Variants in KCNAB1 observed in about 807,000 individuals in gnomAD.
The protein encoded by KCNAB1 is voltage-gated potassium channel subunit beta-1.
In KCNAB1, 35 loss-of-function variants were observed where a neutral mutation model predicts 64.6. The observed-to-expected ratio is 0.54, with a 90% CI of 0.41 to 0.72. KCNAB1 has a LOEUF of 0.72. Ranked by LOEUF, KCNAB1 falls within the 30% of genes least tolerant of loss-of-function variation. The pLI, the probability that KCNAB1 is intolerant of heterozygous loss-of-function variation, is 0.00. For missense variants in KCNAB1, 401 were observed against 512.9 expected, an observed-to-expected ratio of 0.78 and a Z score of 2.11; for synonymous variants, 177 against 183.8, an observed-to-expected ratio of 0.96 and a Z score of 0.30.
At position 156,330,419 on chromosome 3, in the gene KCNAB1, G is replaced by T. The variant is rs377138637; in HGVS notation, c.276-91197G>T. On this transcript the variant is annotated intron_variant, in intron 1 of 13. Coordinates refer to ENST00000490337, the MANE Select transcript of KCNAB1 (RefSeq NM_172160.3). Reference sequence around the variant, plus strand: ...AGCCCTGACAGTTTCCACAATCCAGGTATCTACACTGTTGGAAGATGACCA... The same window carrying T: ...AGCCCTGACAGTTTCCACAATCCAGTTATCTACACTGTTGGAAGATGACCA... Among the ~76,000 whole-genome samples the T allele has an allele frequency of 5.3e-5, 8 of 151,378 alleles. No homozygotes were observed. The East Asian group carries it at 1.2e-3, about 22-fold the overall frequency.
chr3:156,250,350 A>G (rs576495247), intron 1 of KCNAB1, among the ~76,000 whole-genome samples: 1 of 152,222 alleles, frequency 6.6e-6, no homozygotes, highest in Admixed American at 6.5e-5. Flanking sequence ...CTGTTTTACA[A>G]ATTTGCCCAA....
At chr3:156,330,107 A>C (rs1363587614) in intron 1 of KCNAB1, among the ~76,000 whole-genome samples, 4 of 152,168 alleles carry the variant, frequency 2.6e-5, no homozygotes, top group Non-Finnish European at 1.5e-5. Flanking sequence ...TCACAAACTT[A>C]AGTGTGTAAA....
chr3:156,279,429 G>A (rs981043326), intron 1 of KCNAB1, among the ~76,000 whole-genome samples: 9 of 152,202 alleles, frequency 5.9e-5, no homozygotes, highest in African/African-American at 1.2e-4. Context: ...ATAAACATAC[G>A]GGTGCATGTG....
At chr3:156,353,558 G>T (rs1224622310) in intron 1 of KCNAB1, among the ~76,000 whole-genome samples, 1 of 152,196 alleles carries the variant, frequency 6.6e-6, no homozygotes, top group African/African-American at 2.4e-5. Flanking sequence ...GGGTCCTCTG[G>T]CTCAGGGACC....
At chr3:156,218,786 CA>C (rs1228783831) in intron 1 of KCNAB1, among the ~76,000 whole-genome samples, 41 of 92,604 alleles carry the variant, frequency 4.4e-4, no homozygotes, top group Admixed American at 8.6e-4. Flanking sequence ...CCCAGAACAG[CA>C]AAAAAAAAAA....
At chr3:156,310,672 C>T (rs952715277) in intron 1 of KCNAB1, among the ~76,000 whole-genome samples, 6 of 152,128 alleles carry the variant, frequency 3.9e-5, no homozygotes, top group South Asian at 2.1e-4. Flanking sequence ...GGCGGGGTGG[C>T]GGGTGCCTGT....
At position 156,291,616 on chromosome 3, in the gene KCNAB1, A is replaced by G. The variant is rs564452320; in HGVS notation, c.276-130000A>G. 13 of 1,301,006 alleles carry G rather than the reference A, an allele frequency of 1.0e-5. 1 individual carries two copies. The South Asian group carries it at 2.0e-4, about 20-fold the overall frequency. The allele number at this position is 1,301,006 out of a possible 1,614,324, so 80.6% of individuals were successfully genotyped here. A position where few individuals can be genotyped will look rare whatever the true frequency, so the allele number is the denominator to read the frequency against. ...TTTGGCTGTTTAATCAGCCGAGATT[A>G]CAGCCCGGGAAGATTTGCAAACCTG... On this transcript the variant is annotated intron_variant, in intron 1 of 13. Coordinates refer to ENST00000490337, the MANE Select transcript of KCNAB1 (RefSeq NM_172160.3).
chr3:156,502,552 A>G (rs1016385588), intron 8 of KCNAB1, among the ~76,000 whole-genome samples: 6 of 150,142 alleles, frequency 4.0e-5, no homozygotes, highest in African/African-American at 1.5e-4. Flanking sequence ...ACACACACAC[A>G]CACACACACA....
chr3:156,378,815 G>A (rs1431344410), intron 1 of KCNAB1, among the ~76,000 whole-genome samples: 3 of 152,118 alleles, frequency 2.0e-5, no homozygotes, highest in African/African-American at 4.8e-5. Flanking sequence ...GCCCAGGAAC[G>A]AGGAGGGTCA....
At chr3:156,127,884 G>GGTGTGTGTGT (rs10576749) in intron 1 of KCNAB1, among the ~76,000 whole-genome samples, 35,077 of 147,378 alleles carry the variant, frequency 0.24, 4,675 homozygotes, top group Non-Finnish European at 0.32. Flanking sequence ...CTTCATTTGG[G>GGTGTGTGTGT]GTGTGTGTGT....
chr3:156,530,692 A>T (rs1346532236), intron 12 of KCNAB1, among the ~76,000 whole-genome samples: 2 of 152,178 alleles, frequency 1.3e-5, no homozygotes, highest in African/African-American at 4.8e-5. Flanking sequence ...AGGGTTCATA[A>T]GAGAGTAATT....
chr3:156,187,113 C>A (rs1170802334), intron 1 of KCNAB1, among the ~76,000 whole-genome samples: 1 of 152,328 alleles, frequency 6.6e-6, no homozygotes, highest in Non-Finnish European at 1.5e-5. Flanking sequence ...CTTGGCTTCC[C>A]AAAGTGTTGG....
At chr3:156,383,743 C>T (rs1395957245) in intron 1 of KCNAB1, among the ~76,000 whole-genome samples, 1 of 152,198 alleles carries the variant, frequency 6.6e-6, no homozygotes, top group Non-Finnish European at 1.5e-5. Context: ...TTACAGATTT[C>T]AATATGCTAG....
At chr3:156,460,632 T>C (rs1180298201) in intron 5 of KCNAB1, 1 of 152,272 alleles carries the variant, frequency 6.6e-6, no homozygotes, top group Non-Finnish European at 1.5e-5. Flanking sequence ...TCCTCTGCCC[T>C]GGCATAATAT....
chr3:156,319,763 T>A (rs1017241391), intron 1 of KCNAB1, among the ~76,000 whole-genome samples: 1 of 152,202 alleles, frequency 6.6e-6, no homozygotes, highest in Non-Finnish European at 1.5e-5. Context: ...CTTATCCACA[T>A]CTCCTATTGG....
intron 1 of KCNAB1, among the ~76,000 whole-genome samples, chr3:156,374,413 CA>C: frequency 7.3e-6 from 1 of 137,816 alleles, no homozygotes; most frequent in African/African-American, 3.2e-5. Flanking sequence ...AGTGTTGAGC[CA>C]TACCCTAGAG....
Position 156,314,525 on chromosome 3 carries a change from A to G in KCNAB1, c.276-107091A>G, listed in dbSNP as rs538646124. Among the ~76,000 whole-genome samples the G allele has an allele frequency of 3.9e-5, 6 of 152,338 alleles. 1 individual carries two copies. Among genetic ancestry groups the G allele is most frequent in the Admixed American group, 3.9e-4 (6 of 15,310 alleles). ...TCTGCATTACTGCCTCCATAAGCCT[A>G]CCCAGCTAGGAAGCAGTATGGGCAG... On this transcript the variant is annotated intron_variant, in intron 1 of 13. Transcript: ENST00000490337.
chr3:156,284,708 C>A (rs923131533), intron 1 of KCNAB1, among the ~76,000 whole-genome samples: 1 of 152,204 alleles, frequency 6.6e-6, no homozygotes, highest in Non-Finnish European at 1.5e-5. Flanking sequence ...GTGCAGTATT[C>A]GGGTGGGAGT....
At chr3:156,331,646 A>T (rs3772235) in intron 1 of KCNAB1, among the ~76,000 whole-genome samples, 34,119 of 151,454 alleles carry the variant, frequency 0.23, 3,871 homozygotes, top group Middle Eastern at 0.37. Flanking sequence ...CTTTTTTTTT[A>T]AATTATGAAA....
Sources: gnomAD v4.1 joint callset for allele counts (sites outside exome capture counted in the v4.1 genomes callset) on GRCh38, gnomAD v4.1.1 for gene constraint, MANE v1.5 for transcripts, NCBI Gene and HGNC (gene_info 2026-07-23, HGNC 2026-07-21) for gene names.